Variants in GNG7 observed in about 807,000 individuals in gnomAD.
GNG7 encodes guanine nucleotide-binding protein G(I)/G(S)/G(O) subunit gamma-7.
In GNG7, 1 loss-of-function variant was observed where a neutral mutation model predicts 4.0. The ratio of observed to expected loss-of-function variants is 0.25; its 90% CI spans 0.09 to 1.18. The LOEUF is 1.18. GNG7 is among the 50% of genes most tolerant of loss of function. The pLI is 0.50. For synonymous variants in GNG7, 34 were observed against 36.9 expected (o/e 0.92, Z 0.29); for missense variants, 86 against 91.9 (o/e 0.94, Z 0.26).
In GNG7 at chr19:2,672,434, G is replaced by A. The variant is rs116504916; in HGVS notation, c.-134-26154C>T. 4.7e-3 allele frequency among the ~76,000 whole-genome samples: 712 copies of A among 150,038 alleles called. 11 individuals are homozygous for A. Among genetic ancestry groups the A allele is most frequent in the African/African-American group, 0.017 (684 of 41,220 alleles). On this transcript the variant is annotated intron_variant, in intron 1 of 4. Coordinates refer to ENST00000382159, the MANE Select transcript of GNG7 (RefSeq NM_052847.3). ...GCCTCCCAAAGTGTTGGAATTACAG[G>A]TGTGACGCCCGATTTTTTTTTTTTT...
chr19:2,576,057 A>G (rs1980328049), intron 2 of GNG7, among the ~76,000 whole-genome samples: 1 of 149,346 alleles, frequency 6.7e-6, no homozygotes, highest in Admixed American at 6.6e-5. Flanking sequence ...ACATGCTCAC[A>G]CTCAGGTACA....
At chr19:2,652,268 A>C (rs1982850395) in intron 1 of GNG7, among the ~76,000 whole-genome samples, 1 of 152,182 alleles carries the variant, frequency 6.6e-6, no homozygotes, top group African/African-American at 2.4e-5. Flanking sequence ...AGACGCTGAG[A>C]GAGAAAAACA....
chr19:2,647,785 TG>T (rs1192995815), intron 1 of GNG7, among the ~76,000 whole-genome samples: 2 of 151,942 alleles, frequency 1.3e-5, no homozygotes, highest in Non-Finnish European at 2.9e-5. Context: ...CCCATCACTT[TG>T]GGGGGCCGAG....
rs532933541 is a variant in GNG7, at chr19:2,679,319, G to A, written c.-135+23327C>T. Among the ~76,000 whole-genome samples the A allele has an allele frequency of 4.1e-3, 618 of 152,138 alleles. 8 individuals are homozygous for A. Among genetic ancestry groups the A allele is most frequent in the African/African-American group, 0.014 (580 of 41,488 alleles). On this transcript the variant is annotated intron_variant, in intron 1 of 4. Coordinates refer to ENST00000382159, the MANE Select transcript of GNG7 (RefSeq NM_052847.3). ...TCCCACCTAAGCCTCCCAAAGTGCT[G>A]GAATTACAGGTGTGAGCCACCACAC...
chr19:2,630,010 A>G (rs543849310), intron 2 of GNG7, among the ~76,000 whole-genome samples: 1 of 150,858 alleles, frequency 6.6e-6, no homozygotes, highest in South Asian at 2.1e-4. Context: ...AATGATTTCA[A>G]AATAAAGGTT....
At chr19:2,683,866 A>G (rs1983805083) in intron 1 of GNG7, among the ~76,000 whole-genome samples, 1 of 152,192 alleles carries the variant, frequency 6.6e-6, no homozygotes, top group Admixed American at 6.6e-5. Context: ...GAAACAAGAA[A>G]GGAGCTCCTG....
At chr19:2,619,172 C>T (rs992464652) in intron 2 of GNG7, among the ~76,000 whole-genome samples, 1 of 152,194 alleles carries the variant, frequency 6.6e-6, no homozygotes, top group Non-Finnish European at 1.5e-5. Flanking sequence ...TAAACAAAAG[C>T]TCCTTGGAAT....
chr19:2,599,899 C>T (rs1201005943), intron 2 of GNG7, among the ~76,000 whole-genome samples: 3 of 150,020 alleles, frequency 2.0e-5, no homozygotes, highest in African/African-American at 7.4e-5. Flanking sequence ...ATGGCGCCAC[C>T]GCACTCCAGC....
chr19:2,522,878 T>C (rs1203780369), intron 3 of GNG7, among the ~76,000 whole-genome samples: 1 of 151,526 alleles, frequency 6.6e-6, no homozygotes, highest in Non-Finnish European at 1.5e-5. Context: ...TAAGAGGACT[T>C]TTTTTAGACA....
chr19:2,629,441 G>A (rs138630640), intron 2 of GNG7, among the ~76,000 whole-genome samples: 5 of 152,252 alleles, frequency 3.3e-5, no homozygotes, highest in African/African-American at 1.2e-4. Flanking sequence ...AGTCACAGAC[G>A]GGTCAGGTAA....
At chr19:2,700,273 CTGGGA>C (rs1014752650) in intron 1 of GNG7, among the ~76,000 whole-genome samples, 4 of 152,010 alleles carry the variant, frequency 2.6e-5, no homozygotes, top group African/African-American at 9.7e-5. Flanking sequence ...TCCCAAGTAG[CTGGGA>C]TTACAGGCAA....
intron 3 of GNG7, among the ~76,000 whole-genome samples, chr19:2,527,912 C>T (rs1329245193): frequency 6.6e-6 from 1 of 152,150 alleles, no homozygotes; most frequent in African/African-American, 2.4e-5. Flanking sequence ...AGAGTGGTTC[C>T]CTTAGGCAAA....
intron 3 of GNG7, among the ~76,000 whole-genome samples, chr19:2,553,265 A>G (rs534319228): frequency 2.6e-5 from 4 of 151,498 alleles, no homozygotes; most frequent in South Asian, 2.1e-4. Context: ...GTGACATCCA[A>G]TTAGGTAATC....
chr19:2,568,556 CACACAT>C (rs1177203539), intron 2 of GNG7, among the ~76,000 whole-genome samples: 7 of 151,628 alleles, frequency 4.6e-5, no homozygotes, highest in African/African-American at 7.3e-5. Context: ...CATATATATA[CACACAT>C]ATACACACAT....
rs35639922 is a variant in GNG7, at chr19:2,525,971, A to ATTTTTTTTTTTTTTTTTTTTTTTTT, written c.-37-5247_-37-5246insAAAAAAAAAAAAAAAAAAAAAAAAA. ...ATTACAGGTGCCTGCCTCCACGCCA[A>ATTTTTTTTTTTTTTTTTTTTTTTTT]TTTTTTTTTTTTTTTTTGAGACAGA... On this transcript the variant is annotated intron_variant, in intron 3 of 4. Coordinates refer to ENST00000382159, the MANE Select transcript of GNG7 (RefSeq NM_052847.3). Among the ~76,000 whole-genome samples the ATTTTTTTTTTTTTTTTTTTTTTTTT allele has an allele frequency of 8.9e-4, 67 of 75,668 alleles. 8 individuals carry two copies. Among genetic ancestry groups the ATTTTTTTTTTTTTTTTTTTTTTTTT allele is most frequent in the Non-Finnish European group, 1.1e-3 (50 of 43,512 alleles). 49.6% of individuals were successfully genotyped at this position (75,668 alleles called of 152,430 possible).
intron 1 of GNG7, among the ~76,000 whole-genome samples, chr19:2,682,084 T>C (rs1983751611): frequency 6.6e-6 from 1 of 152,020 alleles, no homozygotes; most frequent in Non-Finnish European, 1.5e-5. Flanking sequence ...TAATTTTGTA[T>C]TTTTAGCAGA....
Position 2,694,652 on chromosome 19 carries a change from C to CT in GNG7, c.-135+7993dup, listed in dbSNP as rs79633404. 1.6e-4 allele frequency among the ~76,000 whole-genome samples: 25 copies of CT among 152,272 alleles called. No individual in the cohort carries two copies. The East Asian group carries it at 4.0e-3, about 25-fold the overall frequency. On this transcript the variant is annotated intron_variant, in intron 1 of 4. Transcript: ENST00000382159. ...CCAGCTTCTGGGGCTCACCTCCTCT[C>CT]TCCCTCCCCACTCAGGGTGTGGATT...
chr19:2,522,136 G>T (rs1049136888), intron 3 of GNG7, among the ~76,000 whole-genome samples: 2 of 152,138 alleles, frequency 1.3e-5, no homozygotes, highest in African/African-American at 4.8e-5. Flanking sequence ...TCCTGGCAGG[G>T]AGTGGGTGGA....
intron 3 of GNG7, among the ~76,000 whole-genome samples, chr19:2,523,702 T>C (rs1022927350): frequency 2.6e-5 from 4 of 152,116 alleles, no homozygotes; most frequent in African/African-American, 9.7e-5. Flanking sequence ...ACTGTCTGGC[T>C]GCGATCCTGC....
Sources: allele counts gnomAD v4.1 joint callset (sites outside exome capture counted in the v4.1 genomes callset), GRCh38; gene constraint gnomAD v4.1.1; transcripts MANE v1.5; gene names NCBI Gene and HGNC (gene_info 2026-07-23, HGNC 2026-07-21).